Variants in VGLL1 observed in about 807,000 individuals in gnomAD.
The protein encoded by VGLL1 is transcription cofactor vestigial-like protein 1.
A neutral mutation model predicts 12.0 loss-of-function variants in VGLL1; 4 were observed. The observed-to-expected ratio is 0.33, with a 90% confidence interval of 0.16 to 0.76. The LOEUF is 0.76. VGLL1 is among the 30% of genes least tolerant of loss of function. The pLI is 0.60. For missense variants in VGLL1, 204 were observed against 208.7 expected (o/e 0.98, Z 0.14); for synonymous variants, 87 against 81.2 (o/e 1.07, Z -0.39).
intron 1 of VGLL1, among the ~76,000 whole-genome samples, chrX:136,532,633 C>A (rs2075827288): frequency 1.1e-5 from 1 of 94,526 alleles, no homozygotes; most frequent in South Asian, 5.0e-4. Context: ...TTCTTTCTTT[C>A]TTTCTTTCTT....
intron 3 of VGLL1, among the ~76,000 whole-genome samples, chrX:136,550,094 ACT>A (rs2075881535): frequency 8.9e-6 from 1 of 112,330 alleles, no homozygotes; most frequent in Non-Finnish European, 1.9e-5. Flanking sequence ...TTAAAATACC[ACT>A]CTGTCATTTC....
At chrX:136,535,164 G>A (rs569717287) in intron 1 of VGLL1, among the ~76,000 whole-genome samples, 191 of 111,260 alleles carry the variant, frequency 1.7e-3, no homozygotes, top group South Asian at 0.017. Flanking sequence ...CTCTCAAGGT[G>A]GGATATGATG....
At chrX:136,552,530 A>G (rs777710953) in intron 4 of VGLL1, among the ~76,000 whole-genome samples, 1 of 112,524 alleles carries the variant, frequency 8.9e-6, no homozygotes, top group South Asian at 3.7e-4. Flanking sequence ...CAGCAACAAC[A>G]ACATGTATTG....
chrX:136,533,538 G>A (rs1398580164), intron 1 of VGLL1, among the ~76,000 whole-genome samples: 2 of 111,597 alleles, frequency 1.8e-5, no homozygotes, highest in African/African-American at 6.5e-5. Context: ...TGCAAGCTGT[G>A]TCAAGCCTGA....
intron 2 of VGLL1, among the ~76,000 whole-genome samples, chrX:136,545,237 C>T (rs1248239671): frequency 8.9e-6 from 1 of 111,961 alleles, no homozygotes; most frequent in Non-Finnish European, 1.9e-5. Context: ...TAACCACTTT[C>T]ATCCTGCTCT....
At chrX:136,549,819 C>G (rs776481331) in intron 3 of VGLL1, among the ~76,000 whole-genome samples, 15 of 111,597 alleles carry the variant, frequency 1.3e-4, no homozygotes, top group African/African-American at 4.9e-4. Flanking sequence ...CAAGATTTGC[C>G]TTTAATATGA....
At chrX:136,555,036 G>A (rs1171137148) in intron 4 of VGLL1, among the ~76,000 whole-genome samples, 1 of 112,000 alleles carries the variant, frequency 8.9e-6, no homozygotes, top group Non-Finnish European at 1.9e-5. Context: ...GGCCTGGAGG[G>A]TGTCAATATT....
chrX:136,535,615 G>A (rs1329080531), intron 1 of VGLL1, among the ~76,000 whole-genome samples: 1 of 111,090 alleles, frequency 9.0e-6, no homozygotes, highest in Non-Finnish European at 1.9e-5. Flanking sequence ...GGTAGTTCTG[G>A]GCCAACCTTG....
intron 2 of VGLL1, among the ~76,000 whole-genome samples, chrX:136,539,718 A>G (rs2075850576): frequency 9.0e-6 from 1 of 111,720 alleles, no homozygotes; most frequent in South Asian, 3.7e-4. Context: ...TGCCATCTAT[A>G]TGTTGAGCAA....
intron 3 of VGLL1, 78 bp downstream of exon 3, chrX:136,549,086 T>G: frequency 5.0e-6 from 5 of 1,004,344 alleles, no homozygotes; most frequent in Non-Finnish European, 5.4e-6. Flanking sequence ...TGAGATGAGG[T>G]GCCAAGACTA....
intron 3 of VGLL1, 116 bp downstream of exon 3, chrX:136,549,124 C>CT (rs2075878486): frequency 2.6e-6 from 2 of 758,165 alleles, no homozygotes; most frequent in East Asian, 6.8e-5. Flanking sequence ...CATAGGGCTG[C>CT]TGAGGGAAGG....
chrX:136,537,731 A>ATT (rs758312135), intron 2 of VGLL1, among the ~76,000 whole-genome samples: 1,242 of 100,290 alleles, frequency 0.012, 24 homozygotes, highest in African/African-American at 0.042. Context: ...AGCTAATTTA[A>ATT]TTTTTTTTTT....
Position 136,548,667 on chromosome X carries a change from G to A in VGLL1, c.293G>A (p.Arg98His), listed in dbSNP as rs776614912. The change falls in exon 3 of 5, where the codon CGT becomes CAT. Residue 98 changes from arginine to histidine, a missense_variant. Transcript: ENST00000370634. ...CAACCAGAAGTACCTGTCACAAACCGTGCCGCCAACTGCAACTTGCATGTG... is the reference window on the plus strand; with the variant it reads ...CAACCAGAAGTACCTGTCACAAACCATGCCGCCAACTGCAACTTGCATGTG... ...KPQPEVPVTN[R>H]AANCNLHVPG... The A allele has an allele frequency of 7.4e-6, 9 of 1,210,275 alleles. No individual in the cohort carries two copies. Among genetic ancestry groups the A allele is most frequent in the African/African-American group, 3.5e-5 (2 of 57,204 alleles).
chrX:136,548,189 T>C (rs1365328230), intron 2 of VGLL1, among the ~76,000 whole-genome samples: 2 of 111,490 alleles, frequency 1.8e-5, no homozygotes, highest in Admixed American at 1.9e-4. Context: ...TTAGTAGAGA[T>C]GTGGTTTCAC....
chrX:136,532,717 T>C (rs1351595888), intron 1 of VGLL1, among the ~76,000 whole-genome samples: 1 of 106,182 alleles, frequency 9.4e-6, no homozygotes, highest in Non-Finnish European at 1.9e-5. Context: ...TTTTTTTTTT[T>C]CAGAAGTGTG....
At chrX:136,534,094 C>T (rs952122010) in intron 1 of VGLL1, among the ~76,000 whole-genome samples, 2 of 112,430 alleles carry the variant, frequency 1.8e-5, no homozygotes, top group African/African-American at 6.5e-5. Flanking sequence ...TTCATAACAC[C>T]TTGGTTTTTA....
At chrX:136,549,494 C>T (rs759483464) in intron 3 of VGLL1, among the ~76,000 whole-genome samples, 3 of 110,793 alleles carry the variant, frequency 2.7e-5, no homozygotes, top group Non-Finnish European at 3.8e-5. Flanking sequence ...AAATTCAAAG[C>T]GACTGTAGGA....
chrX:136,552,006 G>T (rs1455608706), intron 4 of VGLL1, among the ~76,000 whole-genome samples: 1 of 111,511 alleles, frequency 9.0e-6, no homozygotes, highest in African/African-American at 3.3e-5. Flanking sequence ...TGAAGTAGGG[G>T]TGAGGGCAAT....
chrX:136,548,530 C>A, intron 2 of VGLL1, 59 bp from the exon 3 acceptor site: 2 of 1,086,014 alleles, frequency 1.8e-6, no homozygotes, highest in African/African-American at 1.9e-5. Context: ...AAAAAAAAAA[C>A]TACATCCATT....
Sources: allele counts gnomAD v4.1 joint callset (sites outside exome capture counted in the v4.1 genomes callset), GRCh38; gene constraint gnomAD v4.1.1; transcripts MANE v1.5; gene names NCBI Gene and HGNC (gene_info 2026-07-23, HGNC 2026-07-21).